The following NR2C2 variants were observed in gnomAD, a reference collection of about 807,000 sequenced individuals.
NR2C2 encodes nuclear receptor subfamily 2 group C member 2, also known as Nuclear hormone receptor TR4.
NR2C2 carries 6 observed loss-of-function variants against 62.9 expected under a neutral mutation model. The ratio of observed to expected loss-of-function variants is 0.10; its 90% confidence interval spans 0.05 to 0.19. The LOEUF (loss-of-function observed/expected upper bound fraction) is 0.19. NR2C2 is among the 10% of genes least tolerant of loss of function. The pLI is 1.00. For missense variants in NR2C2, 479 were observed against 762.7 expected, an observed-to-expected ratio of 0.63 and a Z score of 4.38; for synonymous variants, 272 against 273.8, an observed-to-expected ratio of 0.99 and a Z score of 0.07.
chr3:15,003,904 A>C lies in NR2C2; in HGVS notation c.-11A>C. The C allele has an allele frequency of 6.2e-7, 1 of 1,613,896 alleles. No homozygotes were observed. The highest frequency in any genetic ancestry group is 8.5e-7 in the Non-Finnish European group (1 of 1,179,858). ...ACACGTACACAGACCTCTCGGCCGG[A>C]ATCTCCAGGGATGACCAGCCCCTCC... On this transcript the variant is annotated 5_prime_UTR_variant, in exon 2 of 14. Coordinates refer to ENST00000425241, the MANE Select transcript of NR2C2 (RefSeq NM_001291694.2).
chr3:15,042,507 C>T (rs9825022), intron 13 of NR2C2: 15,156 of 218,844 alleles, frequency 0.069, 713 homozygotes, highest in African/African-American at 0.13. Flanking sequence ...AAATGAGTCT[C>T]TAGCAGTTCA....
chr3:15,011,521 A>C (rs1427443128), intron 2 of NR2C2, among the ~76,000 whole-genome samples: 1 of 152,086 alleles, frequency 6.6e-6, no homozygotes, highest in Non-Finnish European at 1.5e-5. Context: ...TTTTTTTTAA[A>C]GATAATTCTT....
chr3:15,038,136 C>T lies in NR2C2; in HGVS notation c.1509C>T (p.Pro503=), dbSNP rs148205226. 383 of 1,609,044 alleles carry T rather than the reference C, an allele frequency of 2.4e-4. No individual in the cohort carries two copies. The highest frequency in any genetic ancestry group is 3.3e-4 in the Middle Eastern group (2 of 6,034). The stretch of plus-strand genomic sequence containing the variant: ...TTAAAGCTATAGTTCTCTTTAGCCC[C>T]GGTAAGATATGCGGTGGGGATGCAT... ...AYLKAIVLFS[P]DHPGLTSTSQ... Residue 503 remains proline, a splice_region_variant and synonymous_variant, in exon 12 of 14, where the codon CCC becomes CCT. Coordinates refer to ENST00000425241, the MANE Select transcript of NR2C2 (RefSeq NM_001291694.2).
chr3:14,976,602 CTTT>C (rs533538010), intron 1 of NR2C2, among the ~76,000 whole-genome samples: 2 of 90,738 alleles, frequency 2.2e-5, no homozygotes, highest in Non-Finnish European at 4.2e-5. Flanking sequence ...TCCTTCCTTC[CTTT>C]TTTTTTTTTT....
intron 6 of NR2C2, among the ~76,000 whole-genome samples, 173 bp from the exon 7 acceptor site, chr3:15,023,942 T>C (rs890419705): frequency 1.3e-5 from 2 of 152,200 alleles, no homozygotes; most frequent in Non-Finnish European, 2.9e-5. Flanking sequence ...GTATATCTCA[T>C]TGCAGAGAGA....
intron 1 of NR2C2, among the ~76,000 whole-genome samples, chr3:14,965,791 G>A (rs1391855410): frequency 1.3e-5 from 2 of 152,056 alleles, no homozygotes; most frequent in Non-Finnish European, 2.9e-5. Context: ...AGCCTCCTGA[G>A]TAGCTGGGAT....
At chr3:14,991,691 T>C (rs2124838929) in intron 1 of NR2C2, among the ~76,000 whole-genome samples, 1 of 152,180 alleles carries the variant, frequency 6.6e-6, no homozygotes, top group African/African-American at 2.4e-5. Context: ...AAACTCTTAA[T>C]ATTGCACATT....
chr3:14,956,383 A>AT (rs1487426619), intron 1 of NR2C2, among the ~76,000 whole-genome samples: 44 of 152,314 alleles, frequency 2.9e-4, no homozygotes, highest in African/African-American at 9.9e-4. Context: ...GTACCTATCA[A>AT]GAGTTCTATG....
intron 1 of NR2C2, among the ~76,000 whole-genome samples, chr3:14,954,295 T>A (rs1346985666): frequency 1.3e-5 from 2 of 151,114 alleles, no homozygotes; most frequent in Non-Finnish European, 3.0e-5. Flanking sequence ...ATAATATGTC[T>A]TTTCTAAAGA....
chr3:15,042,912 T>G lies in NR2C2; in HGVS notation c.1695T>G (p.Gly565=). 2 of 1,614,214 alleles carry G rather than the reference T, an allele frequency of 1.2e-6. No individual in the cohort carries two copies. Among genetic ancestry groups the G allele is most frequent in the Non-Finnish European group, 1.7e-6 (2 of 1,180,020 alleles). The change falls in exon 14 of 14, where the codon GGT becomes GGG. Residue 565 remains glycine, a synonymous_variant. Transcript: ENST00000425241. ...TAACAGAAGAACTTTTTTTTACTGG[T>G]CTCATTGGCAATGTTTCGATAGACA... ...SNITEELFFT[G]LIGNVSIDSI...
chr3:14,977,832 G>T (rs562259446), intron 1 of NR2C2, among the ~76,000 whole-genome samples: 5 of 152,024 alleles, frequency 3.3e-5, no homozygotes, highest in African/African-American at 1.2e-4. Flanking sequence ...GGGCATGGTG[G>T]TGTGTGCCTG....
rs1307980067 is a variant in NR2C2, at chr3:15,046,384, C to T, written c.*3376C>T. 1 of 152,212 alleles carries T rather than the reference C, an allele frequency of 6.6e-6. No individual in the cohort carries two copies. Among genetic ancestry groups the T allele is most frequent in the East Asian group, 1.9e-4 (1 of 5,198 alleles). The allele number at this position is 152,212 out of a possible 1,614,324, so 9.4% of individuals were successfully genotyped here. A position where few individuals can be genotyped will look rare whatever the true frequency, so the allele number is the denominator to read the frequency against. Reference sequence around the variant, plus strand: ...AGGCTCCTTAATCTCAAGGCAATATCCACGCTACACACATACTTATTAGCT... The same window carrying T: ...AGGCTCCTTAATCTCAAGGCAATATTCACGCTACACACATACTTATTAGCT... On this transcript the variant is annotated 3_prime_UTR_variant, in exon 14 of 14. Coordinates refer to ENST00000425241, the MANE Select transcript of NR2C2 (RefSeq NM_001291694.2).
intron 1 of NR2C2, among the ~76,000 whole-genome samples, chr3:14,966,536 A>G (rs2039864299): frequency 6.6e-6 from 1 of 152,232 alleles, no homozygotes; most frequent in Admixed American, 6.5e-5. Flanking sequence ...ACAGTGAGCT[A>G]TGATGTCCCT....
chr3:15,024,336 C>A, intron 7 of NR2C2, 128 bp downstream of exon 7: 2 of 632,676 alleles, frequency 3.2e-6, no homozygotes, highest in Non-Finnish European at 5.5e-6. Context: ...ATGTCTCGGT[C>A]TCCTTATTGT....
chr3:15,028,083 C>A (rs1264086654), intron 7 of NR2C2, among the ~76,000 whole-genome samples: 5 of 152,150 alleles, frequency 3.3e-5, no homozygotes, highest in Non-Finnish European at 5.9e-5. Flanking sequence ...TGGTCTTGAA[C>A]CCCTGACCTC....
At chr3:14,950,928 A>T (rs1045740331) in intron 1 of NR2C2, among the ~76,000 whole-genome samples, 1 of 152,262 alleles carries the variant, frequency 6.6e-6, no homozygotes, top group Non-Finnish European at 1.5e-5. Flanking sequence ...GGTTGAATTT[A>T]GCAAGTGATT....
intron 1 of NR2C2, among the ~76,000 whole-genome samples, chr3:14,962,655 C>CTTT (rs1228029134): frequency 5.7e-5 from 7 of 123,642 alleles, no homozygotes; most frequent in African/African-American, 1.5e-4. Context: ...TTATTTGTAA[C>CTTT]TTTTTTTTTT....
chr3:14,988,568 T>C (rs751215939), intron 1 of NR2C2, among the ~76,000 whole-genome samples: 1 of 152,258 alleles, frequency 6.6e-6, no homozygotes, highest in Non-Finnish European at 1.5e-5. Context: ...TTGGAACTTT[T>C]TGCTTCCTTT....
intron 5 of NR2C2, among the ~76,000 whole-genome samples, chr3:15,022,186 A>G (rs2041686616): frequency 6.6e-6 from 1 of 152,176 alleles, no homozygotes; most frequent in East Asian, 1.9e-4. Context: ...CATTTTCTTC[A>G]GTTGCTTCTA....
Sources: allele counts gnomAD v4.1 joint callset (sites outside exome capture counted in the v4.1 genomes callset), GRCh38; gene constraint gnomAD v4.1.1; transcripts MANE v1.5; gene names NCBI Gene and HGNC (gene_info 2026-07-23, HGNC 2026-07-21).